The following PPP1R1C variants were observed in gnomAD, a reference collection of about 807,000 sequenced individuals.
The protein encoded by PPP1R1C is protein phosphatase 1 regulatory inhibitor subunit 1C, also known as protein phosphatase 1 regulatory subunit 1C.
In PPP1R1C, 15 loss-of-function variants were observed where a neutral mutation model predicts 17.4. The ratio of observed to expected loss-of-function variants is 0.86; its 90% CI spans 0.58 to 1.33. The LOEUF is 1.33. Among genes scored for constraint, PPP1R1C ranks in the 40% most tolerant of loss-of-function variants. The pLI, the probability that PPP1R1C is intolerant of heterozygous loss-of-function variation, is 0.00. For synonymous variants in PPP1R1C, 35 were observed against 43.1 expected, an observed-to-expected ratio of 0.81 and a Z score of 0.73; for missense variants, 143 against 130.0, an observed-to-expected ratio of 1.10 and a Z score of -0.48.
intron 4 of PPP1R1C, among the ~76,000 whole-genome samples, chr2:182,087,326 C>T (rs1243984286): frequency 1.3e-5 from 2 of 152,226 alleles, no homozygotes; most frequent in African/African-American, 4.8e-5. Context: ...CACCAGCTTG[C>T]TCTGCCTGAA....
chr2:181,969,360 T>C (rs1684962481), intron 1 of PPP1R1C, among the ~76,000 whole-genome samples: 1 of 152,206 alleles, frequency 6.6e-6, no homozygotes, highest in Non-Finnish European at 1.5e-5. Flanking sequence ...ATATTTTCTC[T>C]GGTTATACTA....
intron 2 of PPP1R1C, among the ~76,000 whole-genome samples, chr2:182,030,568 G>A (rs374075645): frequency 8.0e-5 from 12 of 150,144 alleles, no homozygotes; most frequent in South Asian, 2.2e-4. Flanking sequence ...CAGTCTGCCC[G>A]TTCTCAGATC....
At chr2:182,127,633 C>A (rs1056812640) in intron 5 of PPP1R1C, among the ~76,000 whole-genome samples, 2 of 152,018 alleles carry the variant, frequency 1.3e-5, no homozygotes, top group Non-Finnish European at 2.9e-5. Flanking sequence ...AACAAAGAAG[C>A]AAAACTTTTT....
intron 2 of PPP1R1C, among the ~76,000 whole-genome samples, chr2:182,007,286 CATG>C (rs1286434343): frequency 6.6e-6 from 1 of 152,140 alleles, no homozygotes; most frequent in Non-Finnish European, 1.5e-5. Context: ...ACTGATTTCT[CATG>C]ATGTTTCATC....
intron 2 of PPP1R1C, among the ~76,000 whole-genome samples, chr2:182,005,159 G>A (rs888721054): frequency 1.3e-5 from 2 of 152,068 alleles, no homozygotes; most frequent in African/African-American, 2.4e-5. Context: ...CTTTGATAAC[G>A]TTGGCAATAT....
intron 4 of PPP1R1C, among the ~76,000 whole-genome samples, chr2:182,077,507 G>T (rs1452862039): frequency 6.6e-6 from 1 of 152,084 alleles, no homozygotes; most frequent in Admixed American, 6.5e-5. Flanking sequence ...ATCTATATCA[G>T]CATCCTTAGC....
intron 2 of PPP1R1C, among the ~76,000 whole-genome samples, chr2:182,031,815 C>T (rs998626355): frequency 2.0e-5 from 3 of 152,124 alleles, no homozygotes; most frequent in South Asian, 2.1e-4. Context: ...AATTCTACTA[C>T]TTAGCCAAAC....
At chr2:182,126,560 TAAACATCTCACGTAATATGTGAGATGC>T (rs560235214) in intron 5 of PPP1R1C, among the ~76,000 whole-genome samples, 1 of 151,988 alleles carries the variant, frequency 6.6e-6, no homozygotes, top group Non-Finnish European at 1.5e-5. Flanking sequence ...TTTAAGTGAG[TAAACATCTCACGTAATATGTGAGATGC>T]AAACATCTCA....
intron 1 of PPP1R1C, among the ~76,000 whole-genome samples, chr2:181,970,755 C>T (rs1053459181): frequency 1.2e-4 from 18 of 152,092 alleles, no homozygotes; most frequent in Non-Finnish European, 1.8e-4. Context: ...ATGTTCTATT[C>T]TACTGCAAAT....
At chr2:182,115,346 TACTC>T (rs1302146235) in intron 4 of PPP1R1C, among the ~76,000 whole-genome samples, 1 of 152,206 alleles carries the variant, frequency 6.6e-6, no homozygotes, top group African/African-American at 2.4e-5. Flanking sequence ...CTTTATGACT[TACTC>T]ATTCATACCC....
At chr2:182,065,468 A>C (rs1221503515) in intron 4 of PPP1R1C, among the ~76,000 whole-genome samples, 1 of 152,154 alleles carries the variant, frequency 6.6e-6, no homozygotes, top group Non-Finnish European at 1.5e-5. Context: ...AGAACAAAGG[A>C]AATGTTATTA....
intron 2 of PPP1R1C, among the ~76,000 whole-genome samples, chr2:182,022,946 C>T (rs1209584360): frequency 6.6e-6 from 1 of 152,116 alleles, no homozygotes; most frequent in Non-Finnish European, 1.5e-5. Context: ...TGTAGAAATA[C>T]CCAATTCTCA....
At chr2:182,126,112 A>G (rs1261876114) in intron 5 of PPP1R1C, among the ~76,000 whole-genome samples, 1 of 152,100 alleles carries the variant, frequency 6.6e-6, no homozygotes, top group African/African-American at 2.4e-5. Flanking sequence ...TACAGAGTTC[A>G]TTTAATTGTA....
At chr2:181,979,276 G>A (rs992285408) in intron 2 of PPP1R1C, among the ~76,000 whole-genome samples, 5 of 152,158 alleles carry the variant, frequency 3.3e-5, no homozygotes, top group South Asian at 4.2e-4. Context: ...ATCTGAATTC[G>A]TAGTTCATCA....
chr2:182,092,040 A>T (rs1426299092), intron 4 of PPP1R1C, among the ~76,000 whole-genome samples: 1 of 152,194 alleles, frequency 6.6e-6, no homozygotes, highest in Non-Finnish European at 1.5e-5. Context: ...GAAAGTCTGC[A>T]TTTTTTACCT....
Position 181,964,531 on chromosome 2 carries a change from A to C in PPP1R1C, n.111+9897A>C, listed in dbSNP as rs564741770. On this transcript the variant is annotated intron_variant and non_coding_transcript_variant, in intron 1 of 5. Transcript: ENST00000464264. ...TGGTAGCTCTATTTTTTAGTTTTTT[A>C]AGGAACCTCCATACTATTCTCCATA... is the stretch of plus-strand genomic sequence containing the variant. Among the ~76,000 whole-genome samples, 5 of 152,174 alleles carry C rather than the reference A, an allele frequency of 3.3e-5. No homozygotes were observed. The East Asian group carries it at 9.6e-4, about 29-fold the overall frequency.
chr2:181,986,977 C>T (rs1343086709), intron 1 of PPP1R1C, among the ~76,000 whole-genome samples: 1 of 152,098 alleles, frequency 6.6e-6, no homozygotes, highest in African/African-American at 2.4e-5. Context: ...GATATAAAGT[C>T]TTAAAAATAA....
intron 4 of PPP1R1C, among the ~76,000 whole-genome samples, chr2:182,083,601 T>C (rs1688543479): frequency 6.6e-6 from 1 of 152,222 alleles, no homozygotes; most frequent in Non-Finnish European, 1.5e-5. Flanking sequence ...TTTTTTCTTT[T>C]TTAATGCCTG....
At chr2:182,055,773 C>T (rs970194859) in intron 2 of PPP1R1C, among the ~76,000 whole-genome samples, 3 of 152,108 alleles carry the variant, frequency 2.0e-5, no homozygotes, top group Non-Finnish European at 2.9e-5. Flanking sequence ...AAAATATATG[C>T]ATTTTAGAGA....
Sources: allele counts gnomAD v4.1 joint callset (sites outside exome capture counted in the v4.1 genomes callset), GRCh38; gene constraint gnomAD v4.1.1; transcripts MANE v1.5; gene names NCBI Gene and HGNC (gene_info 2026-07-23, HGNC 2026-07-21).